Variants in HTATIP2 observed in about 807,000 individuals in gnomAD.
HTATIP2 encodes HIV-1 Tat interactive protein 2, also known as protein HTATIP2.
In HTATIP2, 26 loss-of-function variants were observed where a neutral mutation model predicts 24.7. The ratio of observed to expected loss-of-function variants is 1.05; its 90% CI spans 0.77 to 1.46. The LOEUF is 1.46. Ranked by LOEUF, HTATIP2 falls within the 40% of genes most tolerant of loss-of-function variation. The probability of loss-of-function intolerance (pLI) is 0.00; values close to 1 mark genes in which losing one functional copy is unlikely to be tolerated. For synonymous variants in HTATIP2, 99 were observed against 113.2 expected, an observed-to-expected ratio of 0.87 and a Z score of 0.79; for missense variants, 284 against 289.6, an observed-to-expected ratio of 0.98 and a Z score of 0.14.
At position 20,375,011 on chromosome 11, in the gene HTATIP2, C is replaced by T. The variant is rs112264026; in HGVS notation, c.304-1569C>T. Among the ~76,000 whole-genome samples the T allele has an allele frequency of 2.5e-3, 377 of 152,004 alleles. 4 individuals carry two copies. Among genetic ancestry groups the T allele is most frequent in the African/African-American group, 8.6e-3 (356 of 41,446 alleles). On this transcript the variant is annotated intron_variant, in intron 2 of 4. Transcript: ENST00000451739. ...ATCACGGATTAGTCATTTTCATTAG[C>T]GAGAGAGGGTGGGGGATAAAAAAGG... is the stretch of plus-strand genomic sequence containing the variant.
At chr11:20,382,674 C>G (rs1416864679) in intron 4 of HTATIP2, among the ~76,000 whole-genome samples, 1 of 152,178 alleles carries the variant, frequency 6.6e-6, no homozygotes, top group Non-Finnish European at 1.5e-5. Context: ...GACAGACCAC[C>G]TTCTGGCAGT....
intron 3 of HTATIP2, among the ~76,000 whole-genome samples, chr11:20,379,428 A>G (rs188707207): frequency 2.2e-4 from 33 of 152,250 alleles, no homozygotes; most frequent in African/African-American, 6.3e-4. Context: ...TAATCCTTCA[A>G]CTACTGTGTG....
At position 20,364,119 on chromosome 11, in the gene HTATIP2, C is replaced by T; in HGVS notation, c.-119C>T. ...GTGACTCAGCACTTTCCCCAGAGCC[C>T]GGACTGCGGAGAACAATATCCTCCT... On this transcript the variant is annotated 5_prime_UTR_variant, in exon 1 of 5. Transcript: ENST00000451739. The T allele has an allele frequency of 3.5e-6, 5 of 1,445,138 alleles. No individual in the cohort carries two copies. The highest frequency in any genetic ancestry group is 4.6e-6 in the Non-Finnish European group (5 of 1,096,796). The allele number at this position is 1,445,138 out of a possible 1,614,324, so 89.5% of individuals were successfully genotyped here. A position where few individuals can be genotyped will look rare whatever the true frequency, so the allele number is the denominator to read the frequency against.
intron 2 of HTATIP2, among the ~76,000 whole-genome samples, chr11:20,371,982 T>A (rs140047263): frequency 6.6e-6 from 1 of 152,232 alleles, no homozygotes; most frequent in Non-Finnish European, 1.5e-5. Context: ...TGTTTTCTAG[T>A]CTAATTTATA....
chr11:20,370,771 T>A (rs893616902), intron 2 of HTATIP2, among the ~76,000 whole-genome samples: 1 of 152,166 alleles, frequency 6.6e-6, no homozygotes, highest in Non-Finnish European at 1.5e-5. Context: ...TGCCTCAGCC[T>A]CCCAAGTAGC....
chr11:20,365,970 CAA>C (rs1161230646), intron 1 of HTATIP2, among the ~76,000 whole-genome samples: 22,746 of 96,874 alleles, frequency 0.23, 1,581 homozygotes, highest in East Asian at 0.34. Flanking sequence ...GACTCTGTCT[CAA>C]AAAAAAAAAA....
At chr11:20,379,323 T>A (rs1259909998) in intron 3 of HTATIP2, among the ~76,000 whole-genome samples, 1 of 152,178 alleles carries the variant, frequency 6.6e-6, no homozygotes, top group South Asian at 2.1e-4. Context: ...ATTAGATTAA[T>A]AAAGGACAGA....
chr11:20,371,461 T>C (rs1202542949), intron 2 of HTATIP2, among the ~76,000 whole-genome samples: 2 of 152,078 alleles, frequency 1.3e-5, no homozygotes, highest in Non-Finnish European at 2.9e-5. Context: ...CAGGCTGGAG[T>C]GCAGTTGTGT....
At position 20,383,058 on chromosome 11, in the gene HTATIP2, T is replaced by C. The variant is rs769665018; in HGVS notation, c.582T>C (p.Ser194=). The change falls in exon 5 of 5, where the codon TCT becomes TCC. Residue 194 remains serine, a synonymous_variant. Transcript: ENST00000451739. ...VRKFFGSLPD[S]WASGHSVPVV... is the part of the protein sequence containing the mutation. Reference sequence around the variant, plus strand: ...AGTTCTTTGGCTCCTTACCAGACTCTTGGGCCAGTGGGCATTCTGTGCCTG... The same window carrying C: ...AGTTCTTTGGCTCCTTACCAGACTCCTGGGCCAGTGGGCATTCTGTGCCTG... 12 of 1,613,962 alleles carry C rather than the reference T, an allele frequency of 7.4e-6. No homozygotes were observed. In the South Asian group the frequency reaches 1.3e-4, roughly 18 times the overall value.
intron 2 of HTATIP2, among the ~76,000 whole-genome samples, chr11:20,372,447 G>GT (rs1484597855): frequency 6.6e-6 from 1 of 152,212 alleles, no homozygotes; most frequent in African/African-American, 2.4e-5. Context: ...TGCCTTTGAT[G>GT]TTGTGGAGCC....
At chr11:20,382,049 G>A in intron 3 of HTATIP2, 129 bp from the exon 4 acceptor site, 1 of 598,900 alleles carries the variant, frequency 1.7e-6, no homozygotes, top group East Asian at 2.9e-5. Flanking sequence ...TAAAATTCTA[G>A]ATAAGGATAT....
intron 1 of HTATIP2, among the ~76,000 whole-genome samples, 173 bp from the exon 2 acceptor site, chr11:20,367,001 A>G (rs2064716008): frequency 6.6e-6 from 1 of 152,118 alleles, no homozygotes; most frequent in Non-Finnish European, 1.5e-5. Context: ...TGTGTTGTTG[A>G]TTTTCAACTG....
chr11:20,367,015 T>G (rs1044970309), intron 1 of HTATIP2, among the ~76,000 whole-genome samples, 159 bp from the exon 2 acceptor site: 3 of 152,198 alleles, frequency 2.0e-5, no homozygotes, highest in Admixed American at 6.5e-5. Flanking sequence ...TCAACTGAGG[T>G]TCATTGCTTT....
intron 3 of HTATIP2, among the ~76,000 whole-genome samples, chr11:20,381,774 A>G (rs906578188): frequency 3.3e-5 from 5 of 152,212 alleles, no homozygotes; most frequent in Non-Finnish European, 7.4e-5. Flanking sequence ...TAGTGGGTCT[A>G]TGGTTTTCTG....
intron 2 of HTATIP2, among the ~76,000 whole-genome samples, chr11:20,373,570 A>T (rs770107480): frequency 1.3e-5 from 2 of 152,194 alleles, no homozygotes; most frequent in African/African-American, 2.4e-5. Context: ...ATTTTAACAG[A>T]CTACTATAAT....
chr11:20,372,808 C>T (rs777547883), intron 2 of HTATIP2, among the ~76,000 whole-genome samples: 40 of 152,066 alleles, frequency 2.6e-4, no homozygotes, highest in Admixed American at 2.0e-4. Context: ...TTTTCGAGAT[C>T]GCTCCTTTCA....
In HTATIP2 at chr11:20,383,716, A is replaced by G. The variant is rs1323328822; in HGVS notation, c.*511A>G. On this transcript the variant is annotated 3_prime_UTR_variant, in exon 5 of 5. Transcript: ENST00000451739. The stretch of plus-strand genomic sequence containing the variant: ...ACTACTTCTTTATGTAATAGAAGTT[A>G]TATACCTAAGCTTATATAATACATG... The G allele has an allele frequency of 6.3e-6, 1 of 157,682 alleles. No individual in the cohort carries two copies. The highest frequency in any genetic ancestry group is 1.9e-4 in the East Asian group (1 of 5,268). 9.8% of individuals were successfully genotyped at this position (157,682 alleles called of 1,614,324 possible). A position where few individuals can be genotyped will look rare whatever the true frequency, so the allele number is the denominator to read the frequency against.
intron 4 of HTATIP2, among the ~76,000 whole-genome samples, chr11:20,382,557 T>C (rs1250396551): frequency 6.6e-6 from 1 of 152,196 alleles, no homozygotes; most frequent in African/African-American, 2.4e-5. Flanking sequence ...ACAGATTGGG[T>C]GTCTTAAACA....
chr11:20,365,259 G>A (rs964393299), intron 1 of HTATIP2, among the ~76,000 whole-genome samples: 2 of 152,244 alleles, frequency 1.3e-5, no homozygotes, highest in African/African-American at 4.8e-5. Context: ...AAAGTGCTGC[G>A]ATTACAGGCG....
Sources: allele counts gnomAD v4.1 joint callset (sites outside exome capture counted in the v4.1 genomes callset), GRCh38; gene constraint gnomAD v4.1.1; transcripts MANE v1.5; gene names NCBI Gene and HGNC (gene_info 2026-07-23, HGNC 2026-07-21).